SLC60A1: variants seen among roughly 807,000 people sequenced by gnomAD.
SLC60A1 encodes major facilitator superfamily domain containing 4.
the SLC60A1 span, chr1:205,600,270 G>A: frequency 4.3e-5 from 35 of 817,112 alleles, no homozygotes; most frequent in Non-Finnish European, 6.5e-5. Context: ...TAGGGGGTCT[G>A]ACTTTTCACT....
the SLC60A1 span, chr1:205,597,624 G>A: frequency 1.5e-6 from 1 of 670,552 alleles, no homozygotes; most frequent in Admixed American, 2.5e-5. Context: ...TTGAACTCCT[G>A]GCCTCAAGAG....
the SLC60A1 span, among the ~76,000 whole-genome samples, chr1:205,592,455 C>T: frequency 6.6e-6 from 1 of 151,680 alleles, no homozygotes; most frequent in Non-Finnish European, 1.5e-5. Flanking sequence ...CATATGTATA[C>T]ATGTGCCATG....
At chr1:205,569,325 G>A in the SLC60A1 span, 3 of 1,430,408 alleles carry the variant, frequency 2.1e-6, no homozygotes, top group Non-Finnish European at 2.8e-6. Context: ...GTGCGCCCCC[G>A]CCCCGCGGCC....
At chr1:205,580,846 G>A in the SLC60A1 span, 45 of 1,614,018 alleles carry the variant, frequency 2.8e-5, no homozygotes, top group African/African-American at 5.3e-5. The surrounding 1 kb of genome is among the most constrained non-coding windows in gnomAD (Gnocchi z 5.0). Flanking sequence ...CCAACCAGAC[G>A]TTCCCAGGGC....
the SLC60A1 span, among the ~76,000 whole-genome samples, chr1:205,596,193 G>GT: frequency 6.6e-6 from 1 of 152,198 alleles, no homozygotes; most frequent in East Asian, 1.9e-4. Context: ...ACAGGCACTG[G>GT]TTTTTGCCAG....
At chr1:205,572,830 G>T in the SLC60A1 span, among the ~76,000 whole-genome samples, 1 of 152,160 alleles carries the variant, frequency 6.6e-6, no homozygotes, top group Admixed American at 6.5e-5. Flanking sequence ...CCAACTCCCA[G>T]GTATGATCCC....
At chr1:205,569,565 C>T in the SLC60A1 span, among the ~76,000 whole-genome samples, 1 of 149,262 alleles carries the variant, frequency 6.7e-6, no homozygotes. Context: ...TTTGTCATCA[C>T]TCATCCCTGT....
chr1:205,599,341 T>G, the SLC60A1 span: 267 of 1,500,018 alleles, frequency 1.8e-4, no homozygotes, highest in African/African-American at 3.3e-3. Context: ...GATCTTAACG[T>G]GCCAGAAACG....
At chr1:205,592,476 G>T in the SLC60A1 span, among the ~76,000 whole-genome samples, 2 of 151,768 alleles carry the variant, frequency 1.3e-5, no homozygotes. Context: ...TTGGTGTGCT[G>T]CACCCATTAA....
chr1:205,579,571 C>A, the SLC60A1 span: 1 of 661,522 alleles, frequency 1.5e-6, no homozygotes, highest in Non-Finnish European at 2.6e-6. Context: ...AGATTGTTAT[C>A]TGAGCAGACT....
At chr1:205,584,744 G>C in the SLC60A1 span, 1 of 758,072 alleles carries the variant, frequency 1.3e-6, no homozygotes, top group Non-Finnish European at 2.3e-6. Context: ...TAACAGAAAG[G>C]TCGTGAAAGT....
the SLC60A1 span, among the ~76,000 whole-genome samples, chr1:205,571,829 T>C: frequency 2.0e-5 from 3 of 152,232 alleles, no homozygotes; most frequent in Non-Finnish European, 2.9e-5. Flanking sequence ...GATTACCAGC[T>C]AACGCTCTCA....
the SLC60A1 span, among the ~76,000 whole-genome samples, chr1:205,578,325 A>G: frequency 5.5e-4 from 84 of 152,232 alleles, no homozygotes; most frequent in African/African-American, 2.0e-3. Context: ...GGAAAGAGAG[A>G]GAACTATGAT....
the SLC60A1 span, chr1:205,580,788 A>C: frequency 1.2e-6 from 2 of 1,614,016 alleles, no homozygotes; most frequent in Admixed American, 3.3e-5. This position sits in a 1 kb window ranked among gnomAD's most constrained non-coding sequence, Gnocchi z 5.0. Context: ...CACCTGTTCC[A>C]TGTCTCCAGG....
At chr1:205,580,009 C>G in the SLC60A1 span, 22 of 1,525,450 alleles carry the variant, frequency 1.4e-5, no homozygotes, top group East Asian at 4.7e-4. This position sits in a 1 kb window ranked among gnomAD's most constrained non-coding sequence, Gnocchi z 5.0. Context: ...GCTCCCTAGG[C>G]CCCCTCAGTC....
chr1:205,579,201 TTGTGGGCGCTGG>T, the SLC60A1 span, among the ~76,000 whole-genome samples: 1 of 152,050 alleles, frequency 6.6e-6, no homozygotes, highest in Admixed American at 6.5e-5. Context: ...AATACCTGGG[TTGTGGGCGCTGG>T]TGTGGGCGTC....
At chr1:205,589,717 T>C in the SLC60A1 span, among the ~76,000 whole-genome samples, 24 of 152,196 alleles carry the variant, frequency 1.6e-4, no homozygotes, top group Middle Eastern at 6.8e-3. Context: ...CCTACCAAAG[T>C]GGTAGAACTA....
the SLC60A1 span, chr1:205,600,561 T>C: frequency 1.7e-6 from 2 of 1,175,724 alleles, no homozygotes; most frequent in Non-Finnish European, 2.5e-6. Context: ...GCTCTCTCAA[T>C]GGCTATTCAA....
the SLC60A1 span, chr1:205,584,215 G>A: frequency 5.8e-3 from 6,025 of 1,041,140 alleles, 265 homozygotes; most frequent in African/African-American, 0.095. Flanking sequence ...TAGATCACAG[G>A]TGATTTTTTT....
Sources: allele counts gnomAD v4.1 joint callset (sites outside exome capture counted in the v4.1 genomes callset), GRCh38; gene constraint gnomAD v4.1.1; non-coding constraint Gnocchi (gnomAD v3.1); transcripts MANE v1.5; gene names NCBI Gene and HGNC (gene_info 2026-07-23, HGNC 2026-07-21).